The following HTT variants were observed in gnomAD, a reference collection of about 807,000 sequenced individuals.
HTT encodes huntingtin, also known as huntington disease protein.
In HTT, 104 loss-of-function variants were observed where a neutral mutation model predicts 362.3. The observed-to-expected ratio is 0.29, with a 90% CI of 0.24 to 0.34. HTT has a LOEUF of 0.34. Among genes scored for constraint, HTT ranks in the 10% least tolerant of loss-of-function variants. The pLI, the probability that HTT is intolerant of heterozygous loss-of-function variation, is 1.00. For missense variants in HTT, 3,301 were observed against 3,928.6 expected (o/e 0.84, Z 4.27); for synonymous variants, 1,577 against 1,548.7 (o/e 1.02, Z -0.43).
At position 3,184,723 on chromosome 4, in the gene HTT, GGCCA is replaced by G. The variant is rs541724731; in HGVS notation, c.4867-1871_4867-1868del. On this transcript the variant is annotated intron_variant, in intron 37 of 66. Transcript: ENST00000355072. Reference sequence around the variant, plus strand: ...ACCCCATAGGTGCCTAATGAGGTGAGGCCAGCATCAGGTGTATGAGCCTGGAGTT... The same window carrying G: ...ACCCCATAGGTGCCTAATGAGGTGAGGCATCAGGTGTATGAGCCTGGAGTT... 2.6e-5 allele frequency among the ~76,000 whole-genome samples: 4 copies of G among 152,200 alleles called. No individual in the cohort carries two copies. In the South Asian group the frequency reaches 8.3e-4, roughly 32 times the overall value.
At chr4:3,187,615 T>G in intron 38 of HTT, 36 bp from the exon 39 acceptor site, 1 of 1,470,666 alleles carries the variant, frequency 6.8e-7, no homozygotes, top group South Asian at 1.2e-5. Flanking sequence ...CTTCCTTTTT[T>G]CTTCAGCTGT....
intron 1 of HTT, among the ~76,000 whole-genome samples, chr4:3,082,200 G>T (rs947795822): frequency 6.6e-6 from 1 of 152,100 alleles, no homozygotes; most frequent in Non-Finnish European, 1.5e-5. Context: ...TAATATTTTA[G>T]AATTTCTTTT....
intron 25 of HTT, 67 bp downstream of exon 25, chr4:3,147,015 G>T (rs1046970183): frequency 1.3e-6 from 2 of 1,493,546 alleles, no homozygotes; most frequent in East Asian, 4.5e-5. Context: ...GGGAATGGGG[G>T]TGGTGAGCAT....
At chr4:3,237,606 C>G (rs1476402085) in intron 64 of HTT, among the ~76,000 whole-genome samples, 12 of 152,120 alleles carry the variant, frequency 7.9e-5, no homozygotes. Context: ...CGCAGCTGAC[C>G]ACAGATTTCT....
At chr4:3,194,445 C>T (rs1014982277) in intron 40 of HTT, among the ~76,000 whole-genome samples, 15 of 152,208 alleles carry the variant, frequency 9.9e-5, no homozygotes, top group Non-Finnish European at 2.9e-5. Context: ...GATGATGGCA[C>T]CAGAGGCCCA....
intron 8 of HTT, among the ~76,000 whole-genome samples, chr4:3,119,557 G>A (rs1715195975): frequency 6.6e-6 from 1 of 152,178 alleles, no homozygotes. Flanking sequence ...AAATTATGCA[G>A]TGAATAACAT....
intron 1 of HTT, among the ~76,000 whole-genome samples, chr4:3,080,696 T>C (rs4346595): frequency 0.071 from 10,871 of 152,306 alleles, 751 homozygotes; most frequent in African/African-American, 0.18. Context: ...CAAAAAGGTT[T>C]ACTCCTATGT....
intron 16 of HTT, 70 bp from the exon 17 acceptor site, chr4:3,132,492 A>C: frequency 7.6e-7 from 1 of 1,317,312 alleles, no homozygotes; most frequent in Non-Finnish European, 1.1e-6. Context: ...CCTGAGAATT[A>C]AGCTTTTGTT....
chr4:3,189,196 GCC>G, intron 40 of HTT, 103 bp downstream of exon 40: 2 of 1,137,290 alleles, frequency 1.8e-6, no homozygotes, highest in Non-Finnish European at 2.5e-6. Flanking sequence ...ACTCTGCCTT[GCC>G]CAGTGTGCCA....
At chr4:3,211,876 A>G (rs1307942686) in intron 47 of HTT, 53 bp from the exon 48 acceptor site, 1 of 1,306,220 alleles carries the variant, frequency 7.7e-7, no homozygotes, top group African/African-American at 1.5e-5. Flanking sequence ...TACCTGATTG[A>G]AAGCTCATAA....
Position 3,132,661 on chromosome 4 carries a change from T to G in HTT, c.2336T>G (p.Ile779Ser). 6.2e-7 allele frequency: 1 copy of G among 1,614,164 alleles called. No homozygotes were observed. The highest frequency in any genetic ancestry group is 8.5e-7 in the Non-Finnish European group (1 of 1,179,984). ...CTCTGTGGGACCCTCATCTGCTCCA[T>G]CCTCAGCAGGTCCCGCTTCCACGTG... is the stretch of plus-strand genomic sequence containing the variant. ...AILCGTLICS[I>S]LSRSRFHVGD... Residue 779 changes from isoleucine to serine, a missense_variant, in exon 17 of 67, where the codon ATC (isoleucine) becomes AGC (serine). This residue lies in a region of HTT where 2,316 missense variants were observed against 2,658.5 expected (regional missense o/e 0.87). Transcript: ENST00000355072.
At chr4:3,086,792 C>A in intron 1 of HTT, 147 bp from the exon 2 acceptor site, 1 of 539,116 alleles carries the variant, frequency 1.9e-6, no homozygotes, top group Non-Finnish European at 3.4e-6. Flanking sequence ...GCTTCCCTGT[C>A]CAGATCCCCA....
chr4:3,093,860 C>A (rs1402820669), intron 2 of HTT, among the ~76,000 whole-genome samples: 2 of 73,360 alleles, frequency 2.7e-5, no homozygotes, highest in Non-Finnish European at 5.5e-5. Context: ...CTGCCAATTC[C>A]TTTTTTTTTT....
chr4:3,089,853 G>C (rs1222860859), intron 2 of HTT, among the ~76,000 whole-genome samples: 1 of 152,196 alleles, frequency 6.6e-6, no homozygotes, highest in South Asian at 2.1e-4. Context: ...AATAATAGCT[G>C]TTAATGGTTT....
At chr4:3,136,691 G>A (rs1321376743) in intron 21 of HTT, among the ~76,000 whole-genome samples, 1 of 151,892 alleles carries the variant, frequency 6.6e-6, no homozygotes, top group Non-Finnish European at 1.5e-5. Flanking sequence ...TCAAAATCAG[G>A]TCAAAATTAC....
chr4:3,155,728 C>CG (rs1553915701), intron 27 of HTT, among the ~76,000 whole-genome samples: 3 of 49,648 alleles, frequency 6.0e-5, no homozygotes, highest in African/African-American at 2.1e-4. Flanking sequence ...AAAAATACCA[C>CG]AAAAAAAAAA....
chr4:3,187,846 G>A lies in HTT; in HGVS notation c.5185G>A (p.Gly1729Arg), dbSNP rs746173777. ...STSTLEEHSEGKQIKNLPEET... is the reference protein window; with the variant it reads ...STSTLEEHSERKQIKNLPEET... ...TTCAACGCTAGAAGAACACAGTGAAGGGAAACAAATAAAGAATTTGCCAGA... is the reference window on the plus strand; with the variant it reads ...TTCAACGCTAGAAGAACACAGTGAAAGGAAACAAATAAAGAATTTGCCAGA... The change falls in exon 39 of 67, where the codon GGG becomes AGG. Residue 1729 changes from glycine to arginine, a missense_variant. Physicochemically the swap from Gly to Arg is moderately radical, Grantham distance 125. Around this residue, in one of 4 missense-constraint regions of HTT, gnomAD observed 2,316 missense variants for 2,658.5 expected, o/e 0.87. Coordinates refer to ENST00000355072, the MANE Select transcript of HTT (RefSeq NM_001388492.1). 47 of 1,612,734 alleles carry A rather than the reference G, an allele frequency of 2.9e-5. No individual in the cohort carries two copies. The highest frequency in any genetic ancestry group is 5.3e-5 in the African/African-American group (4 of 74,838).
At chr4:3,180,459 T>G in intron 35 of HTT, 56 bp from the exon 36 acceptor site, 1 of 1,497,346 alleles carries the variant, frequency 6.7e-7, no homozygotes, top group Non-Finnish European at 8.9e-7. Context: ...TGAGAGCAGT[T>G]TTCCAAATGT....
At chr4:3,109,081 ATT>A (rs1200939687) in intron 6 of HTT, among the ~76,000 whole-genome samples, 8 of 146,570 alleles carry the variant, frequency 5.5e-5, no homozygotes, top group African/African-American at 1.7e-4. Context: ...ATATATATAT[ATT>A]ATCAATGAAA....
Sources: gnomAD v4.1 joint callset for allele counts (sites outside exome capture counted in the v4.1 genomes callset) on GRCh38, gnomAD v4.1.1 for gene constraint, gnomAD v4.1.1 regional missense constraint, MANE v1.5 for transcripts, NCBI Gene and HGNC (gene_info 2026-07-23, HGNC 2026-07-21) for gene names.